The following MIB2 variants were observed in gnomAD, a reference collection of about 807,000 sequenced individuals.
The protein encoded by MIB2 is MIB E3 ubiquitin protein ligase 2.
MIB2 carries 78 observed loss-of-function variants against 96.6 expected under a neutral mutation model. The ratio of observed to expected loss-of-function variants is 0.81; its 90% CI spans 0.67 to 0.97. The LOEUF (loss-of-function observed/expected upper bound fraction) is 0.97, where lower values mean the gene tolerates loss of function less well. Among genes scored for constraint, MIB2 ranks in the 50% least tolerant of loss-of-function variants. The pLI, the probability that MIB2 is intolerant of heterozygous loss-of-function variation, is 0.00. For synonymous variants in MIB2, 820 were observed against 629.5 expected (o/e 1.30, Z -4.53); for missense variants, 1,543 against 1,424.0 (o/e 1.08, Z -1.35).
In MIB2 at chr1:1,628,410, G is replaced by A. The variant is rs185688778; in HGVS notation, c.1968+11G>A. ...ATCCTCATCCGGGAGGTGCGGACGC[G>A]GCCCAGTCCTGCCCAAGGACCGGGG... On this transcript the variant is annotated intron_variant, in intron 15 of 19. Coordinates refer to ENST00000355826, the MANE Select transcript of MIB2 (RefSeq NM_001170687.4). 136 of 1,609,288 alleles carry A rather than the reference G, an allele frequency of 8.5e-5. No individual in the cohort carries two copies. Among genetic ancestry groups the A allele is most frequent in the Middle Eastern group, 8.3e-4 (5 of 6,048 alleles).
Position 1,615,642 on chromosome 1 carries a change from G to C in MIB2, c.-130+9G>C, listed in dbSNP as rs1402093916. On this transcript the variant is annotated intron_variant, in intron 1 of 19. Coordinates refer to ENST00000355826, the MANE Select transcript of MIB2 (RefSeq NM_001170687.4). ...CGTCCTCTCGGCTGATGGTGCGTGC[G>C]GGCGCGGATCTCCTCCCCTGGTCCT... 1 of 1,575,364 alleles carries C rather than the reference G, an allele frequency of 6.3e-7. No individual in the cohort carries two copies. Among genetic ancestry groups the C allele is most frequent in the Non-Finnish European group, 8.6e-7 (1 of 1,164,656 alleles).
chr1:1,622,716 T>A (rs1234757750), intron 2 of MIB2, among the ~76,000 whole-genome samples: 1 of 152,118 alleles, frequency 6.6e-6, no homozygotes, highest in African/African-American at 2.4e-5. Flanking sequence ...CCGGCCTCTG[T>A]CGTGAGTGCC....
In MIB2 at chr1:1,619,550, T is replaced by TGGACAGAAGGGACTGCCTTGGAAGTG. The variant is rs1441210080; in HGVS notation, c.-23+2944_-23+2969dup. 2.0e-5 allele frequency among the ~76,000 whole-genome samples: 3 copies of TGGACAGAAGGGACTGCCTTGGAAGTG among 152,186 alleles called. No homozygotes were observed. The East Asian group carries it at 5.8e-4, about 29-fold the overall frequency. On this transcript the variant is annotated intron_variant, in intron 2 of 19. Transcript: ENST00000355826. ...CGGCCACTCCAGGGCAGTGCCATGC[T>TGGACAGAAGGGACTGCCTTGGAAGTG]GGACAGAAGGGACTGCCTTGGAAGT...
rs1006143854 is a variant in MIB2 at position 1,615,524 on chromosome 1, G to A, written c.-239G>A. ...CGCCCTTCGGGTCCCACAGTTTCCAGCCGCCGCTCTCCTCAGTGCCCGGTG... is the reference window on the plus strand; with the variant it reads ...CGCCCTTCGGGTCCCACAGTTTCCAACCGCCGCTCTCCTCAGTGCCCGGTG... On this transcript the variant is annotated 5_prime_UTR_variant, in exon 1 of 20. Coordinates refer to ENST00000355826, the MANE Select transcript of MIB2 (RefSeq NM_001170687.4). 7 of 1,531,912 alleles carry A rather than the reference G, an allele frequency of 4.6e-6. No homozygotes were observed. The highest frequency in any genetic ancestry group is 2.8e-5 in the African/African-American group (2 of 72,038). The allele number at this position is 1,531,912 out of a possible 1,614,324, so 94.9% of individuals were successfully genotyped here.
At chr1:1,629,601 T>C (rs761619783) in intron 18 of MIB2, 35 bp downstream of exon 18, 13 of 1,567,692 alleles carry the variant, frequency 8.3e-6, no homozygotes, top group Middle Eastern at 1.7e-4. Context: ...GAGGCCCGGC[T>C]AGTAGGGCCG....
At chr1:1,616,015 A>G in intron 1 of MIB2, 1 of 984,586 alleles carries the variant, frequency 1.0e-6, no homozygotes, top group Non-Finnish European at 1.2e-6. Context: ...ACGCCGGGAC[A>G]GACCGACAGA....
chr1:1,629,829 C>T, intron 19 of MIB2, 125 bp downstream of exon 19: 1 of 1,082,220 alleles, frequency 9.2e-7, no homozygotes, highest in Non-Finnish European at 1.3e-6. Flanking sequence ...CCCCGCCCTC[C>T]CAAGGCTCAC....
intron 4 of MIB2, 126 bp downstream of exon 4, chr1:1,624,071 C>A: frequency 1.6e-6 from 2 of 1,230,476 alleles, no homozygotes; most frequent in Non-Finnish European, 2.2e-6. Flanking sequence ...CTCTCCAGAG[C>A]CGTGGCCTTA....
In MIB2 at chr1:1,627,161, G is replaced by C; in HGVS notation, c.1328G>C (p.Gly443Ala). 6.3e-7 allele frequency: 1 copy of C among 1,591,036 alleles called. No individual in the cohort carries two copies. Among genetic ancestry groups the C allele is most frequent in the Non-Finnish European group, 8.6e-7 (1 of 1,169,378 alleles). ...AGGCTGGTGGTGGAGGTGGCGCTGG[G>C]TAACGCAGCCCGGGCTCTGGACCTG... ...PGRLVVEVAL[G>A]NAARALDLLR... Residue 443 changes from glycine (G) to alanine (A), a missense_variant, in exon 11 of 20, where the codon GGT (glycine) becomes GCT (alanine). By Grantham distance (60) the Gly-to-Ala change is moderately conservative. Transcript: ENST00000355826.
rs894556356 is a variant in MIB2 at position 1,624,210 on chromosome 1, CCAGCACCTGGGCTGTCTTGGAGG to C, written c.419+267_419+289del. ...CCAGGAGGACAGCCCATACCCGGAG[CCAGCACCTGGGCTGTCTTGGAGG>C]CTGCTGCGCTCTGGTCCGAGGGCAT... On this transcript the variant is annotated intron_variant, in intron 4 of 19. Transcript: ENST00000355826. 3 of 528,676 alleles carry C rather than the reference CCAGCACCTGGGCTGTCTTGGAGG, an allele frequency of 5.7e-6. No homozygotes were observed. In the African/African-American group the frequency reaches 5.7e-5, roughly 10 times the overall value. The allele number at this position is 528,676 out of a possible 1,614,324, so 32.7% of individuals were successfully genotyped here.
chr1:1,615,274 C>T (rs1189288791), upstream of MIB2: 1 of 1,242,614 alleles, frequency 8.0e-7, no homozygotes, highest in Non-Finnish European at 1.1e-6. Flanking sequence ...CCAGCGAGCG[C>T]GACGTCGCTC....
Position 1,616,613 on chromosome 1 carries a change from A to G in MIB2, c.-24A>G. 1 of 1,589,242 alleles carries G rather than the reference A, an allele frequency of 6.3e-7. No individual in the cohort carries two copies. Among genetic ancestry groups the G allele is most frequent in the East Asian group, 2.3e-5 (1 of 43,624 alleles). On this transcript the variant is annotated splice_region_variant and 5_prime_UTR_variant, in exon 2 of 20. Transcript: ENST00000355826. Reference sequence around the variant, plus strand: ...CCGGCGGGCGACTGGACGGCCGGACAGGTGAGCTCTTGATCGTCCGCGGCC... The same window carrying G: ...CCGGCGGGCGACTGGACGGCCGGACGGGTGAGCTCTTGATCGTCCGCGGCC...
Position 1,629,510 on chromosome 1 carries a change from C to G in MIB2, c.2507C>G (p.Ser836Cys). 3 of 1,537,384 alleles carry G rather than the reference C, an allele frequency of 2.0e-6. No homozygotes were observed. The highest frequency in any genetic ancestry group is 2.6e-6 in the Non-Finnish European group (3 of 1,146,226). The change falls in exon 18 of 20, where the codon TCC (serine) becomes TGC (cysteine). Residue 836 changes from serine to cysteine, a missense_variant. By Grantham distance (112) the Ser-to-Cys change is moderately radical. Transcript: ENST00000355826. Reference protein sequence around the residue: ...GPEAAECLVCSELALLVLFSP... With the variant: ...GPEAAECLVCCELALLVLFSP... ...GAGGCCGCTGAGTGCCTGGTGTGCT[C>G]CGAGCTGGCGCTGCTGGTGCTGTTC... is the stretch of plus-strand genomic sequence containing the variant.
Position 1,615,516 on chromosome 1 carries a change from A to G in MIB2, c.-247A>G. On this transcript the variant is annotated 5_prime_UTR_variant, in exon 1 of 20. Transcript: ENST00000355826. Reference sequence around the variant, plus strand: ...TGGGCTCCCGCCCTTCGGGTCCCACAGTTTCCAGCCGCCGCTCTCCTCAGT... The same window carrying G: ...TGGGCTCCCGCCCTTCGGGTCCCACGGTTTCCAGCCGCCGCTCTCCTCAGT... 1.3e-6 allele frequency: 2 copies of G among 1,530,302 alleles called. No individual in the cohort carries two copies. Among genetic ancestry groups the G allele is most frequent in the Non-Finnish European group, 1.7e-6 (2 of 1,144,880 alleles). The allele number at this position is 1,530,302 out of a possible 1,614,324, so 94.8% of individuals were successfully genotyped here.
intron 2 of MIB2, among the ~76,000 whole-genome samples, chr1:1,622,767 T>C (rs1356252141): frequency 6.6e-5 from 10 of 152,240 alleles, no homozygotes; most frequent in Admixed American, 6.5e-4. Context: ...GGCTCTGTGG[T>C]GCTGTGTGGC....
chr1:1,624,059 G>C (rs1439719823), intron 4 of MIB2, 114 bp downstream of exon 4: 1 of 1,292,978 alleles, frequency 7.7e-7, no homozygotes, highest in Non-Finnish European at 1.1e-6. Flanking sequence ...GACGGAGCAA[G>C]TCTCTCCAGA....
rs1276093838 is a variant in MIB2 at position 1,629,306 on chromosome 1, C to A, written c.2376C>A (p.Arg792=). Residue 792 remains arginine (R), a synonymous_variant, in exon 17 of 20, where the codon CGC becomes CGA. Coordinates refer to ENST00000355826, the MANE Select transcript of MIB2 (RefSeq NM_001170687.4). ...VLKALQGCAQ[R]FRERQAGGGA... ...AGGCCCTTCAGGGCTGCGCCCAGCG[C>A]TTCCGGTGAGTCCGTGGACGGCGGG... is the stretch of plus-strand genomic sequence containing the variant. 5.3e-6 allele frequency: 8 copies of A among 1,496,972 alleles called. No individual in the cohort carries two copies. The highest frequency in any genetic ancestry group is 7.0e-6 in the Non-Finnish European group (8 of 1,138,836). The allele number at this position is 1,496,972 out of a possible 1,614,324, so 92.7% of individuals were successfully genotyped here. A position where few individuals can be genotyped will look rare whatever the true frequency, so the allele number is the denominator to read the frequency against.
chr1:1,628,227 G>T (rs1422779720), intron 14 of MIB2, 46 bp from the exon 15 acceptor site: 29 of 1,612,412 alleles, frequency 1.8e-5, no homozygotes, highest in Non-Finnish European at 2.4e-5. Context: ...TTGCTGTGCT[G>T]CCTGGGGGCA....
At chr1:1,624,037 C>G in intron 4 of MIB2, 92 bp downstream of exon 4, 3 of 1,400,246 alleles carry the variant, frequency 2.1e-6, no homozygotes, top group Non-Finnish European at 1.9e-6. Flanking sequence ...GCCTCCTGAC[C>G]GCTCCCAGGA....
Sources: allele counts gnomAD v4.1 joint callset (sites outside exome capture counted in the v4.1 genomes callset), GRCh38; gene constraint gnomAD v4.1.1; transcripts MANE v1.5; gene names NCBI Gene and HGNC (gene_info 2026-07-23, HGNC 2026-07-21).